Variants in RBFOX1 observed in about 807,000 individuals in gnomAD.
The protein encoded by RBFOX1 is RNA binding protein fox-1 homolog 1.
RBFOX1 carries 8 observed loss-of-function variants against 57.7 expected under a neutral mutation model. The ratio of observed to expected loss-of-function variants is 0.14; its 90% CI spans 0.08 to 0.25. The LOEUF (loss-of-function observed/expected upper bound fraction) is 0.25, where lower values mean the gene tolerates loss of function less well. Ranked by LOEUF, RBFOX1 falls within the 10% of genes least tolerant of loss-of-function variation. RBFOX1 has a pLI of 1.00. For synonymous variants in RBFOX1, 326 were observed against 222.4 expected (o/e 1.47, Z -4.15); for missense variants, 611 against 548.5 (o/e 1.11, Z -1.14).
At chr16:6,834,746 G>A (rs1036435715) in intron 3 of RBFOX1, among the ~76,000 whole-genome samples, 3 of 152,144 alleles carry the variant, frequency 2.0e-5, no homozygotes, top group Non-Finnish European at 4.4e-5. Flanking sequence ...GCGACTGCTC[G>A]TGAGACAGTT....
chr16:6,154,748 A>G (rs759124789), intron 1 of RBFOX1, among the ~76,000 whole-genome samples: 2 of 152,200 alleles, frequency 1.3e-5, no homozygotes, highest in African/African-American at 2.4e-5. Context: ...GAAATTTGCA[A>G]TGTCTGGAAG....
intron 4 of RBFOX1, among the ~76,000 whole-genome samples, chr16:7,346,055 C>G (rs956382323): frequency 2.6e-5 from 4 of 152,140 alleles, no homozygotes; most frequent in African/African-American, 9.7e-5. Context: ...TCAATTCCCA[C>G]CTGTGAGTGA....
intron 4 of RBFOX1, among the ~76,000 whole-genome samples, chr16:5,936,836 T>A (rs1434793852): frequency 6.6e-6 from 1 of 152,088 alleles, no homozygotes; most frequent in East Asian, 1.9e-4. Context: ...GCAGAGGTGA[T>A]CCCCAGAAAG....
intron 3 of RBFOX1, among the ~76,000 whole-genome samples, chr16:5,858,496 T>C (rs943388277): frequency 6.6e-6 from 1 of 152,136 alleles, no homozygotes; most frequent in Non-Finnish European, 1.5e-5. Context: ...CTCCCTCCCC[T>C]GTGACTTTTT....
At chr16:7,179,795 C>T (rs1054195756) in intron 4 of RBFOX1, among the ~76,000 whole-genome samples, 1 of 151,998 alleles carries the variant, frequency 6.6e-6, no homozygotes, top group Non-Finnish European at 1.5e-5. Context: ...AATGCAGTGG[C>T]ATGATCTCGG....
At chr16:7,096,107 G>A (rs1156990784) in intron 4 of RBFOX1, among the ~76,000 whole-genome samples, 1 of 152,028 alleles carries the variant, frequency 6.6e-6, no homozygotes, top group Non-Finnish European at 1.5e-5. Context: ...GACGACCCAG[G>A]AGACATGATA....
intron 1 of RBFOX1, among the ~76,000 whole-genome samples, chr16:6,193,807 C>A (rs1347602234): frequency 2.0e-5 from 3 of 152,096 alleles, no homozygotes; most frequent in African/African-American, 4.8e-5. Context: ...ATCCCTCCTT[C>A]CTTTTGAAAG....
intron 3 of RBFOX1, among the ~76,000 whole-genome samples, chr16:6,811,128 G>T (rs988711213): frequency 1.3e-5 from 2 of 152,326 alleles, no homozygotes; most frequent in East Asian, 1.9e-4. Context: ...CGATTTTGCT[G>T]AGTAACTTCT....
chr16:5,858,075 T>C (rs2151881110), intron 3 of RBFOX1, among the ~76,000 whole-genome samples: 1 of 152,172 alleles, frequency 6.6e-6, no homozygotes, highest in African/African-American at 2.4e-5. Context: ...TTTTTAAGGA[T>C]CTTTGTCTGT....
intron 4 of RBFOX1, among the ~76,000 whole-genome samples, chr16:7,201,471 T>C (rs866582905): frequency 1.9e-4 from 21 of 111,176 alleles, no homozygotes; most frequent in African/African-American, 7.5e-4. Context: ...TTTTTTCTTT[T>C]CTTTTTTTTG....
chr16:5,633,741 G>A (rs1567325221), intron 3 of RBFOX1, among the ~76,000 whole-genome samples: 1 of 151,960 alleles, frequency 6.6e-6, no homozygotes, highest in Non-Finnish European at 1.5e-5. Flanking sequence ...GGGCGTCGTG[G>A]TGCATGCCTG....
chr16:7,502,912 A>C (rs1027079191), intron 4 of RBFOX1, among the ~76,000 whole-genome samples: 11 of 152,034 alleles, frequency 7.2e-5, no homozygotes, highest in African/African-American at 2.7e-4. Flanking sequence ...AATCCTAGCT[A>C]CTCGGGAGCC....
intron 1 of RBFOX1, among the ~76,000 whole-genome samples, chr16:5,282,399 C>G (rs938308351): frequency 6.6e-6 from 1 of 152,108 alleles, no homozygotes; most frequent in Non-Finnish European, 1.5e-5. Context: ...GTGGAAGTGA[C>G]TTTGGAACTG....
At chr16:7,018,430 C>G (rs570713516) in intron 3 of RBFOX1, among the ~76,000 whole-genome samples, 2 of 152,222 alleles carry the variant, frequency 1.3e-5, no homozygotes, top group East Asian at 3.9e-4. Context: ...TGAATATTGT[C>G]TTAATTGCTC....
intron 4 of RBFOX1, among the ~76,000 whole-genome samples, chr16:7,153,259 C>T (rs1161592474): frequency 6.6e-6 from 1 of 152,006 alleles, no homozygotes; most frequent in African/African-American, 2.4e-5. Context: ...AAATGCATAC[C>T]TGGAGGCATG....
intron 4 of RBFOX1, among the ~76,000 whole-genome samples, chr16:7,365,985 C>T (rs2097436993): frequency 6.6e-6 from 1 of 152,198 alleles, no homozygotes; most frequent in African/African-American, 2.4e-5. Flanking sequence ...TGAGAAGACT[C>T]ATCCTGTGAT....
chr16:6,035,179 G>A (rs544419639), intron 1 of RBFOX1, among the ~76,000 whole-genome samples: 21 of 152,272 alleles, frequency 1.4e-4, no homozygotes, highest in Admixed American at 4.6e-4. Flanking sequence ...CGTCCCTGGG[G>A]TAGAACCTTG....
intron 10 of RBFOX1, among the ~76,000 whole-genome samples, chr16:7,624,801 C>G (rs1321814454): frequency 6.6e-6 from 1 of 152,130 alleles, no homozygotes; most frequent in Non-Finnish European, 1.5e-5. Flanking sequence ...TGACTCTGCA[C>G]CACCACACAG....
Position 6,231,830 on chromosome 16 carries a change from AGTT to A in RBFOX1, c.-126-85164_-126-85162del, listed in dbSNP as rs1298180897. Among the ~76,000 whole-genome samples, 5 of 58,970 alleles carry A rather than the reference AGTT, an allele frequency of 8.5e-5. No individual in the cohort carries two copies. In the East Asian group the frequency reaches 3.0e-3, roughly 35 times the overall value. The allele number at this position is 58,970 out of a possible 152,430, so 38.7% of individuals were successfully genotyped here. On this transcript the variant is annotated intron_variant, in intron 1 of 15. Coordinates refer to ENST00000550418, the MANE Select transcript of RBFOX1 (RefSeq NM_018723.4). ...AATTGGAAAAATTCTGTAGCTTTCC[AGTT>A]TTTTTTTTTTTTTTTTTTTGTCCTG...
Sources: gnomAD v4.1 joint callset for allele counts (sites outside exome capture counted in the v4.1 genomes callset) on GRCh38, gnomAD v4.1.1 for gene constraint, MANE v1.5 for transcripts, NCBI Gene and HGNC (gene_info 2026-07-23, HGNC 2026-07-21) for gene names.